Variants in FBLIM1 observed in about 807,000 individuals in gnomAD.
FBLIM1 encodes the protein filamin binding LIM protein 1, also known as filamin-binding LIM protein 1.
FBLIM1 carries 29 observed loss-of-function variants against 37.4 expected under a neutral mutation model. The ratio of observed to expected loss-of-function variants is 0.77; its 90% confidence interval spans 0.58 to 1.06. The LOEUF (loss-of-function observed/expected upper bound fraction) is 1.06. Ranked by LOEUF, FBLIM1 falls within the 50% of genes least tolerant of loss-of-function variation. The probability of loss-of-function intolerance (pLI) is 0.00; values close to 1 mark genes in which losing one functional copy is unlikely to be tolerated. For missense variants in FBLIM1, 449 were observed against 505.6 expected (o/e 0.89, Z 1.07); for synonymous variants, 193 against 199.0 (o/e 0.97, Z 0.25).
chr1:15,784,000 C>A (rs1216363171), intron 8 of FBLIM1, among the ~76,000 whole-genome samples: 1 of 152,082 alleles, frequency 6.6e-6, no homozygotes, highest in Non-Finnish European at 1.5e-5. Flanking sequence ...ACCAGCCTGA[C>A]CAACATGGCA....
At chr1:15,776,866 CAAAAAAAAAAA>C (rs36071270) in intron 7 of FBLIM1, 1 of 68,348 alleles carries the variant, frequency 1.5e-5, no homozygotes, top group African/African-American at 7.3e-5. Flanking sequence ...AACTCCATCT[CAAAAAAAAAAA>C]AAAAAAAAGA....
At chr1:15,770,337 A>G in intron 5 of FBLIM1, 72 bp from the exon 6 acceptor site, 1 of 1,514,700 alleles carries the variant, frequency 6.6e-7, no homozygotes, top group African/African-American at 1.4e-5. Context: ...TATCCTGAGC[A>G]TGTTCTGGGT....
At chr1:15,773,411 G>T (rs1419142774) in intron 6 of FBLIM1, among the ~76,000 whole-genome samples, 2 of 148,380 alleles carry the variant, frequency 1.3e-5, no homozygotes, top group Non-Finnish European at 3.0e-5. Context: ...GGGCACGGTG[G>T]CTCACGCCTG....
chr1:15,774,134 A>G (rs959788353), intron 6 of FBLIM1, among the ~76,000 whole-genome samples: 4 of 152,202 alleles, frequency 2.6e-5, no homozygotes, highest in Admixed American at 2.6e-4. Flanking sequence ...CTCTGTCCCA[A>G]AACAAAACAA....
chr1:15,766,365 C>T lies in FBLIM1; in HGVS notation c.251-1011C>T, dbSNP rs866248176. ...AAGCAGGAGTGCAGTGGTGCGATCT[C>T]GGCTCACTGCAACCTCTGCTCCCCA... On this transcript the variant is annotated intron_variant, in intron 3 of 8. Coordinates refer to ENST00000375766, the MANE Select transcript of FBLIM1 (RefSeq NM_017556.4). Among the ~76,000 whole-genome samples, 20 of 152,316 alleles carry T rather than the reference C, an allele frequency of 1.3e-4. No individual in the cohort carries two copies. In the Middle Eastern group the frequency reaches 0.01, roughly 78 times the overall value.
Position 15,781,866 on chromosome 1 carries a change from CT to C in FBLIM1, c.1009-2681del, listed in dbSNP as rs1451988308. Among the ~76,000 whole-genome samples, 24 of 131,246 alleles carry C rather than the reference CT, an allele frequency of 1.8e-4. No individual in the cohort carries two copies. In the South Asian group the frequency reaches 2.7e-3, roughly 15 times the overall value. 86.1% of individuals were successfully genotyped at this position (131,246 alleles called of 152,430 possible). A position where few individuals can be genotyped will look rare whatever the true frequency, so the allele number is the denominator to read the frequency against. On this transcript the variant is annotated intron_variant, in intron 8 of 8. Coordinates refer to ENST00000375766, the MANE Select transcript of FBLIM1 (RefSeq NM_017556.4). ...CCCGAGTAGCTGGGACCACAGGCGC[CT>C]GCCACCACGCCTGGCTAATTTTTTG...
In FBLIM1 at chr1:15,768,532, C is replaced by T. The variant is rs771429000; in HGVS notation, c.443C>T (p.Pro148Leu). The change falls in exon 5 of 9, where the codon CCA becomes CTA. Residue 148 changes from proline (P) to leucine (L), a missense_variant. Coordinates refer to ENST00000375766, the MANE Select transcript of FBLIM1 (RefSeq NM_017556.4). Reference sequence around the variant, plus strand: ...TCCCCGTCTGCATCCCCACAGGCCCCAGCGGAGGGACCTTCAGTCCAGCCC... The same window carrying T: ...TCCCCGTCTGCATCCCCACAGGCCCTAGCGGAGGGACCTTCAGTCCAGCCC... ...LSPPPPPPQAPAEGPSVQPGP... is the reference protein window; with the variant it reads ...LSPPPPPPQALAEGPSVQPGP... 1 of 1,579,696 alleles carries T rather than the reference C, an allele frequency of 6.3e-7. No homozygotes were observed.
chr1:15,768,214 C>A (rs2069020581), intron 4 of FBLIM1, among the ~76,000 whole-genome samples: 1 of 152,148 alleles, frequency 6.6e-6, no homozygotes, highest in Non-Finnish European at 1.5e-5. Flanking sequence ...GGGCCCTTAA[C>A]AGAGGCTGTG....
In FBLIM1 at chr1:15,783,389, C is replaced by T. The variant is rs921793097; in HGVS notation, c.1009-1159C>T. 2.0e-5 allele frequency among the ~76,000 whole-genome samples: 3 copies of T among 152,102 alleles called. No homozygotes were observed. In the South Asian group the frequency reaches 6.2e-4, roughly 32 times the overall value. ...CAGATCCTGGAGACCCAGTCTGGTC[C>T]CAGCTCCAGAACCAGCTGTGTGACC... On this transcript the variant is annotated intron_variant, in intron 8 of 8. Coordinates refer to ENST00000375766, the MANE Select transcript of FBLIM1 (RefSeq NM_017556.4).
At chr1:15,777,747 A>G (rs2069536277) in intron 8 of FBLIM1, among the ~76,000 whole-genome samples, 1 of 151,726 alleles carries the variant, frequency 6.6e-6, no homozygotes, top group Middle Eastern at 3.4e-3. Flanking sequence ...TAATTTTTGT[A>G]TTTTTAGTAG....
At chr1:15,770,370 A>G (rs1254676562) in intron 5 of FBLIM1, 39 bp from the exon 6 acceptor site, 5 of 1,599,198 alleles carry the variant, frequency 3.1e-6, no homozygotes, top group Non-Finnish European at 4.3e-6. Flanking sequence ...CAGTCCTCAC[A>G]GGCTGGGCTG....
At chr1:15,770,709 G>A in intron 6 of FBLIM1, 131 bp downstream of exon 6, 1 of 1,148,528 alleles carries the variant, frequency 8.7e-7, no homozygotes, top group Non-Finnish European at 1.2e-6. Flanking sequence ...AGGAAACTGA[G>A]GCTCAGAAAG....
intron 8 of FBLIM1, among the ~76,000 whole-genome samples, chr1:15,780,026 C>T (rs2069596040): frequency 6.6e-6 from 1 of 151,488 alleles, no homozygotes; most frequent in Admixed American, 6.6e-5. Context: ...AGTACAGGTG[C>T]GCACCACCAC....
intron 1 of FBLIM1, among the ~76,000 whole-genome samples, chr1:15,762,679 C>T (rs1002993686): frequency 5.3e-5 from 8 of 152,186 alleles, no homozygotes; most frequent in African/African-American, 1.9e-4. Flanking sequence ...CGTGAGCCAT[C>T]GGGTGGCCAG....
intron 6 of FBLIM1, among the ~76,000 whole-genome samples, chr1:15,772,602 G>T (rs936853765): frequency 6.6e-6 from 1 of 152,110 alleles, no homozygotes; most frequent in African/African-American, 2.4e-5. Flanking sequence ...GCCCTGCCTC[G>T]GGAATCTCTT....
chr1:15,781,534 A>T (rs1165409601), intron 8 of FBLIM1, among the ~76,000 whole-genome samples: 4 of 96,732 alleles, frequency 4.1e-5, no homozygotes, highest in Non-Finnish European at 8.5e-5. Context: ...AAAAAAAAAA[A>T]AAAAATAATG....
At chr1:15,760,523 C>T (rs2068619721) in intron 1 of FBLIM1, among the ~76,000 whole-genome samples, 2 of 90,710 alleles carry the variant, frequency 2.2e-5, no homozygotes, top group Admixed American at 1.7e-4. Flanking sequence ...GAGCAAGATT[C>T]TGTCTCAGAA....
At chr1:15,760,805 T>A (rs542898191) in intron 1 of FBLIM1, among the ~76,000 whole-genome samples, 6 of 152,200 alleles carry the variant, frequency 3.9e-5, no homozygotes, top group Admixed American at 3.9e-4. Context: ...TGATTCGCTC[T>A]CTGGGGGAGG....
intron 8 of FBLIM1, among the ~76,000 whole-genome samples, chr1:15,782,832 G>T (rs1249040015): frequency 7.3e-6 from 1 of 136,796 alleles, no homozygotes; most frequent in Admixed American, 7.8e-5. Context: ...TTTTTGAGAC[G>T]GAGTCTTGCC....
Sources: allele counts gnomAD v4.1 joint callset (sites outside exome capture counted in the v4.1 genomes callset), GRCh38; gene constraint gnomAD v4.1.1; transcripts MANE v1.5; gene names NCBI Gene and HGNC (gene_info 2026-07-23, HGNC 2026-07-21).